Variants in DNAH3 observed in about 807,000 individuals in gnomAD.
DNAH3 encodes the protein dynein axonemal heavy chain 3, also known as axonemal beta dynein heavy chain 3.
In DNAH3, 332 loss-of-function variants were observed where a neutral mutation model predicts 432.5. That is an observed-to-expected ratio of 0.77 (90% CI 0.70 to 0.84). The LOEUF (loss-of-function observed/expected upper bound fraction) is 0.84, where lower values mean the gene tolerates loss of function less well. Ranked by LOEUF, DNAH3 falls within the 40% of genes least tolerant of loss-of-function variation. The probability of loss-of-function intolerance (pLI) is 0.00; values close to 1 mark genes in which losing one functional copy is unlikely to be tolerated. For missense variants in DNAH3, 4,861 were observed against 5,114.0 expected, an observed-to-expected ratio of 0.95 and a Z score of 1.51; for synonymous variants, 1,956 against 1,900.2, an observed-to-expected ratio of 1.03 and a Z score of -0.76.
chr16:20,985,068 C>A (rs1362475966), intron 48 of DNAH3: 1 of 1,606,606 alleles, frequency 6.2e-7, no homozygotes, highest in African/African-American at 1.3e-5. Flanking sequence ...TGTGAAGGTT[C>A]TTTCTCACCC....
intron 18 of DNAH3, among the ~76,000 whole-genome samples, chr16:21,088,638 T>C (rs1234941307): frequency 6.6e-6 from 1 of 152,218 alleles, no homozygotes; most frequent in Non-Finnish European, 1.5e-5. Context: ...TCTCACCTCA[T>C]AGCTTATGGA....
Position 21,103,555 on chromosome 16 carries a change from AACAC to A in DNAH3, c.2366+912_2366+915del, listed in dbSNP as rs140620471. 2.0e-5 allele frequency among the ~76,000 whole-genome samples: 3 copies of A among 151,922 alleles called. No homozygotes were observed. In the South Asian group the frequency reaches 6.2e-4, roughly 32 times the overall value. ...GCAGGAAAATACACACACACTCACAAACACACACACACAAATGTTTTGCACTCCC... is the reference window on the plus strand; with the variant it reads ...GCAGGAAAATACACACACACTCACAAACACACACAAATGTTTTGCACTCCC... On this transcript the variant is annotated intron_variant, in intron 16 of 61. Transcript: ENST00000261383.
chr16:21,003,009 A>C (rs1597112606), intron 42 of DNAH3, 95 bp downstream of exon 42: 5 of 868,166 alleles, frequency 5.8e-6, no homozygotes, highest in Middle Eastern at 2.2e-4. Context: ...GAAAGCCCTT[A>C]AAACTCCTCG....
chr16:21,059,852 C>G (rs540614572), intron 26 of DNAH3, among the ~76,000 whole-genome samples: 1 of 151,716 alleles, frequency 6.6e-6, no homozygotes, highest in East Asian at 1.9e-4. Context: ...CCAAGTTATT[C>G]TGATAGATTC....
In DNAH3 at chr16:21,069,726, T is replaced by C. The variant is rs945237109; in HGVS notation, c.3202-132A>G. On this transcript the variant is annotated intron_variant, in intron 22 of 61. Transcript: ENST00000261383. The stretch of plus-strand genomic sequence containing the variant: ...CTGTCACTTGTTTAACAAATACTTA[T>C]TGAGGGCTCCCTATGCTCTGGTCAC... 5.2e-6 allele frequency: 4 copies of C among 769,990 alleles called. No homozygotes were observed. In the East Asian group the frequency reaches 8.1e-5, roughly 16 times the overall value. The allele number at this position is 769,990 out of a possible 1,614,324, so 47.7% of individuals were successfully genotyped here.
chr16:21,049,079 G>A (rs1017467680), intron 31 of DNAH3, among the ~76,000 whole-genome samples: 12 of 151,368 alleles, frequency 7.9e-5, no homozygotes, highest in South Asian at 2.1e-4. Flanking sequence ...CTTCAGCCTC[G>A]AACTCCTGGG....
chr16:20,983,515 T>C (rs1208137370), intron 48 of DNAH3, among the ~76,000 whole-genome samples: 1 of 152,142 alleles, frequency 6.6e-6, no homozygotes, highest in Non-Finnish European at 1.5e-5. Flanking sequence ...GCCCTTTGAT[T>C]GACTTGCTGT....
chr16:21,130,100 A>AAC (rs1555569844), intron 7 of DNAH3: 1 of 151,270 alleles, frequency 6.6e-6, no homozygotes, highest in African/African-American at 2.4e-5. Context: ...TGAAAAAAAA[A>AAC]AAAAAAAAAC....
Position 21,148,441 on chromosome 16 carries a change from TA to T in DNAH3, c.118-2354del, listed in dbSNP as rs202083229. On this transcript the variant is annotated intron_variant, in intron 1 of 61. Coordinates refer to ENST00000261383, the Ensembl canonical transcript of DNAH3. ...CTTATTTATTATTATTATTATTATT[TA>T]TTTTTTTTTTTTGAGTCCAAGTTTT... Among the ~76,000 whole-genome samples, 587 of 140,696 alleles carry T rather than the reference TA, an allele frequency of 4.2e-3. 3 individuals are homozygous for T. Among genetic ancestry groups the T allele is most frequent in the African/African-American group, 0.015 (555 of 36,982 alleles). The allele number at this position is 140,696 out of a possible 152,430, so 92.3% of individuals were successfully genotyped here. A position where few individuals can be genotyped will look rare whatever the true frequency, so the allele number is the denominator to read the frequency against.
At chr16:21,040,434 G>C (rs958842941) in intron 32 of DNAH3, among the ~76,000 whole-genome samples, 26 of 138,104 alleles carry the variant, frequency 1.9e-4, no homozygotes, top group Non-Finnish European at 3.3e-4. Context: ...GCACGATCTT[G>C]GCTCATTGCA....
At chr16:20,936,025 A>C (rs574491919) in intron 60 of DNAH3, among the ~76,000 whole-genome samples, 124 of 152,306 alleles carry the variant, frequency 8.1e-4, no homozygotes, top group African/African-American at 2.9e-3. Context: ...TATTTTTTGC[A>C]GTACAAACAT....
intron 49 of DNAH3, among the ~76,000 whole-genome samples, chr16:20,980,211 TA>T (rs1475810415): frequency 7.5e-6 from 1 of 133,024 alleles, no homozygotes; most frequent in Non-Finnish European, 1.6e-5. Context: ...TATTTATTTA[TA>T]TTATTTATAT....
intron 56 of DNAH3, among the ~76,000 whole-genome samples, chr16:20,949,183 G>A (rs372185144): frequency 1.3e-4 from 19 of 150,018 alleles, no homozygotes; most frequent in Admixed American, 7.3e-4. Flanking sequence ...ACCACTGGGC[G>A]GTTAATACTT....
chr16:21,061,330 G>A (rs1272074002), intron 25 of DNAH3, among the ~76,000 whole-genome samples: 2 of 149,404 alleles, frequency 1.3e-5, no homozygotes, highest in East Asian at 4.0e-4. Context: ...CCGCCTCCTG[G>A]GTTCAAGCGA....
At chr16:21,074,747 C>T (rs1033052691) in intron 21 of DNAH3, among the ~76,000 whole-genome samples, 1 of 151,466 alleles carries the variant, frequency 6.6e-6, no homozygotes, top group African/African-American at 2.4e-5. Flanking sequence ...CAATGGTCTG[C>T]AGGATGTGTG....
chr16:21,007,219 T>G (rs1487309222), intron 41 of DNAH3, among the ~76,000 whole-genome samples: 1 of 151,018 alleles, frequency 6.6e-6, no homozygotes, highest in African/African-American at 2.4e-5. Context: ...ATCCTTTTTT[T>G]TTTTTTTTGA....
chr16:21,054,231 C>T (rs908980259), intron 28 of DNAH3, among the ~76,000 whole-genome samples, 189 bp downstream of exon 28: 8 of 152,178 alleles, frequency 5.3e-5, no homozygotes, highest in Non-Finnish European at 7.4e-5. Flanking sequence ...AATCAGGTTG[C>T]GGATGGGAGA....
exon 41 of DNAH3, chr16:21,019,741 C>A: frequency 1.2e-6 from 2 of 1,614,102 alleles, no homozygotes; most frequent in South Asian, 1.1e-5. Context: ...CTGCTGTCTG[C>A]GTTGATGGTG....
intron 50 of DNAH3, 32 bp from the exon 51 acceptor site, chr16:20,975,447 G>T: frequency 6.3e-7 from 1 of 1,599,122 alleles, no homozygotes; most frequent in Non-Finnish European, 8.5e-7. Flanking sequence ...GAAATCCAGG[G>T]TCAGCACTGA....
Sources: gnomAD v4.1 joint callset for allele counts (sites outside exome capture counted in the v4.1 genomes callset) on GRCh38, gnomAD v4.1.1 for gene constraint, MANE v1.5 for transcripts, NCBI Gene and HGNC (gene_info 2026-07-23, HGNC 2026-07-21) for gene names.